ANTXR1: variants seen among roughly 807,000 people sequenced by gnomAD.
The protein encoded by ANTXR1 is anthrax toxin receptor 1.
ANTXR1 carries 19 observed loss-of-function variants against 78.1 expected under a neutral mutation model. The ratio of observed to expected loss-of-function variants is 0.24; its 90% CI spans 0.17 to 0.36. The LOEUF (loss-of-function observed/expected upper bound fraction) is 0.36, where lower values mean the gene tolerates loss of function less well. Among genes scored for constraint, ANTXR1 ranks in the 10% least tolerant of loss-of-function variants. The pLI, the probability that ANTXR1 is intolerant of heterozygous loss-of-function variation, is 1.00. For missense variants in ANTXR1, 518 were observed against 718.6 expected (o/e 0.72, Z 3.19); for synonymous variants, 273 against 260.5 (o/e 1.05, Z -0.46).
chr2:69,140,365 G>C (rs909287994), intron 12 of ANTXR1, among the ~76,000 whole-genome samples: 4 of 152,180 alleles, frequency 2.6e-5, no homozygotes, highest in African/African-American at 9.7e-5. Flanking sequence ...ATTTGCTTTG[G>C]AAAACCATAT....
At chr2:69,212,108 T>C (rs927118453) in intron 17 of ANTXR1, among the ~76,000 whole-genome samples, 1 of 152,254 alleles carries the variant, frequency 6.6e-6, no homozygotes, top group African/African-American at 2.4e-5. Flanking sequence ...CTTCTACCTC[T>C]ATCTCTAATA....
At chr2:69,093,669 T>A (rs1377049561) in intron 9 of ANTXR1, among the ~76,000 whole-genome samples, 4 of 152,086 alleles carry the variant, frequency 2.6e-5, no homozygotes, top group African/African-American at 9.7e-5. Context: ...TTTAAACAAA[T>A]TAAAGCAATT....
At chr2:69,063,499 G>T (rs1261831716) in intron 3 of ANTXR1, among the ~76,000 whole-genome samples, 1 of 151,732 alleles carries the variant, frequency 6.6e-6, no homozygotes, top group Non-Finnish European at 1.5e-5. Flanking sequence ...CAGCAAATCT[G>T]CGCTATTAAA....
At chr2:69,163,496 A>T (rs1673741239) in intron 13 of ANTXR1, among the ~76,000 whole-genome samples, 1 of 152,072 alleles carries the variant, frequency 6.6e-6, no homozygotes, top group Admixed American at 6.5e-5. Flanking sequence ...ATGGTCTCTG[A>T]GGAAGCTCAT....
intron 10 of ANTXR1, among the ~76,000 whole-genome samples, chr2:69,110,270 A>G (rs899588185): frequency 2.0e-5 from 3 of 152,220 alleles, no homozygotes; most frequent in Non-Finnish European, 2.9e-5. Context: ...CAGAATTTCA[A>G]TTTCAGCTTC....
chr2:69,073,267 G>A (rs2104216979), intron 6 of ANTXR1, among the ~76,000 whole-genome samples, 166 bp downstream of exon 6: 1 of 152,256 alleles, frequency 6.6e-6, no homozygotes, highest in Non-Finnish European at 1.5e-5. Context: ...TGTTCTACAA[G>A]TGAATTTTCA....
intron 12 of ANTXR1, among the ~76,000 whole-genome samples, chr2:69,129,467 T>C (rs1672653995): frequency 6.6e-6 from 1 of 152,082 alleles, no homozygotes; most frequent in Non-Finnish European, 1.5e-5. Context: ...AAAGAGTGTA[T>C]AATAGGCCGG....
At chr2:69,131,995 G>A (rs943029271) in intron 12 of ANTXR1, among the ~76,000 whole-genome samples, 1 of 152,202 alleles carries the variant, frequency 6.6e-6, no homozygotes, top group Admixed American at 6.5e-5. Context: ...GTAGAAGGGT[G>A]TAGAAATAGC....
At chr2:69,071,433 A>G (rs1385730692) in intron 4 of ANTXR1, among the ~76,000 whole-genome samples, 1 of 152,234 alleles carries the variant, frequency 6.6e-6, no homozygotes, top group Admixed American at 6.5e-5. Flanking sequence ...AATGCATTGA[A>G]CTACAGTGTT....
chr2:69,077,130 G>T, intron 7 of ANTXR1: 1 of 516,490 alleles, frequency 1.9e-6, no homozygotes, highest in Non-Finnish European at 3.5e-6. Context: ...CAGGCCAAGC[G>T]TTCATCAAGC....
At chr2:69,193,875 A>T (rs973835820) in intron 17 of ANTXR1, among the ~76,000 whole-genome samples, 3 of 152,180 alleles carry the variant, frequency 2.0e-5, no homozygotes, top group Non-Finnish European at 4.4e-5. Context: ...GGGGCCACAG[A>T]AAACACCTAC....
At chr2:69,137,137 C>T (rs1178833746) in intron 12 of ANTXR1, among the ~76,000 whole-genome samples, 3 of 152,174 alleles carry the variant, frequency 2.0e-5, no homozygotes, top group African/African-American at 7.2e-5. Flanking sequence ...ATGAAACTCT[C>T]AATTTGCAAA....
intron 3 of ANTXR1, among the ~76,000 whole-genome samples, chr2:69,048,416 T>A (rs906557867): frequency 1.3e-5 from 2 of 152,194 alleles, no homozygotes; most frequent in African/African-American, 2.4e-5. Context: ...TATTCAGAAA[T>A]TTAGCACCCC....
At chr2:69,100,374 G>T (rs1671568627) in intron 9 of ANTXR1, among the ~76,000 whole-genome samples, 1 of 152,176 alleles carries the variant, frequency 6.6e-6, no homozygotes, top group African/African-American at 2.4e-5. Flanking sequence ...CTGCCCTGGT[G>T]CACTCCCCAG....
At chr2:69,086,647 G>A (rs1671057486) in intron 8 of ANTXR1, among the ~76,000 whole-genome samples, 1 of 118,152 alleles carries the variant, frequency 8.5e-6, no homozygotes, top group Non-Finnish European at 1.8e-5. Context: ...CCAGGGGTGG[G>A]CGATGGGGCG....
rs116800163 is a variant in ANTXR1 at position 69,192,560 on chromosome 2, T to C, written c.1354-775T>C. ...ACTGAGCCCACCGGATAGTCCAGGA[T>C]ACTCTCCCCATCTCAACATTCTTAC... On this transcript the variant is annotated intron_variant, in intron 16 of 17. Coordinates refer to ENST00000303714, the MANE Select transcript of ANTXR1 (RefSeq NM_032208.3). Among the ~76,000 whole-genome samples the C allele has an allele frequency of 3.8e-3, 580 of 152,314 alleles. 5 individuals carry two copies. Among genetic ancestry groups the C allele is most frequent in the African/African-American group, 0.013 (550 of 41,552 alleles).
At chr2:69,199,292 T>G (rs1166602117) in intron 17 of ANTXR1, among the ~76,000 whole-genome samples, 6 of 152,258 alleles carry the variant, frequency 3.9e-5, no homozygotes. Context: ...ATGCTGATGC[T>G]GCTGGTCTGG....
At chr2:69,086,549 T>A (rs1671055622) in intron 8 of ANTXR1, among the ~76,000 whole-genome samples, 1 of 152,232 alleles carries the variant, frequency 6.6e-6, no homozygotes, top group South Asian at 2.1e-4. Context: ...TTCCATCTAT[T>A]TTCTCTTTGA....
chr2:69,139,922 G>A (rs1673024481), intron 12 of ANTXR1, among the ~76,000 whole-genome samples: 1 of 152,190 alleles, frequency 6.6e-6, no homozygotes, highest in African/African-American at 2.4e-5. Flanking sequence ...GCACTACTAA[G>A]TACCTTCTCT....
Sources: gnomAD v4.1 joint callset for allele counts (sites outside exome capture counted in the v4.1 genomes callset) on GRCh38, gnomAD v4.1.1 for gene constraint, MANE v1.5 for transcripts, NCBI Gene and HGNC (gene_info 2026-07-23, HGNC 2026-07-21) for gene names.